Variants in PCNX2 observed in about 807,000 individuals in gnomAD.
PCNX2 encodes pecanex 2.
In PCNX2, 168 loss-of-function variants were observed where a neutral mutation model predicts 223.8. That is an observed-to-expected ratio of 0.75 (90% confidence interval 0.66 to 0.85). PCNX2 has a LOEUF of 0.85. Ranked by LOEUF, PCNX2 falls within the 40% of genes least tolerant of loss-of-function variation. The pLI, the probability that PCNX2 is intolerant of heterozygous loss-of-function variation, is 0.00. For missense variants in PCNX2, 2,507 were observed against 2,675.5 expected, an observed-to-expected ratio of 0.94 and a Z score of 1.39; for synonymous variants, 1,006 against 1,052.6, an observed-to-expected ratio of 0.96 and a Z score of 0.86.
rs368643677 is a variant in PCNX2, at chr1:233,141,799, G to GTGTGTGTGTGTA, written c.3518-1945_3518-1944insTACACACACACA. On this transcript the variant is annotated intron_variant, in intron 19 of 33. Transcript: ENST00000258229. ...TGTGTGTGTGTGTGTGTGTGTGTGT[G>GTGTGTGTGTGTA]TATATGAAGAGAGACTTGGCATTTA... Among the ~76,000 whole-genome samples, 501 of 150,408 alleles carry GTGTGTGTGTGTA rather than the reference G, an allele frequency of 3.3e-3. 2 individuals are homozygous for GTGTGTGTGTGTA. The highest frequency in any genetic ancestry group is 6.9e-3 in the African/African-American group (283 of 40,720).
chr1:233,037,894 T>C (rs1671512435), intron 25 of PCNX2, among the ~76,000 whole-genome samples: 1 of 152,228 alleles, frequency 6.6e-6, no homozygotes, highest in Non-Finnish European at 1.5e-5. Flanking sequence ...GCATTGGTTT[T>C]TCACAGAATT....
intron 13 of PCNX2, chr1:233,202,120 GA>G: frequency 2.2e-6 from 1 of 456,526 alleles, no homozygotes; most frequent in East Asian, 7.1e-5. Context: ...CAGTGAACGT[GA>G]AGGAAAAAGC....
At chr1:233,017,520 G>T (rs974082184) in intron 26 of PCNX2, among the ~76,000 whole-genome samples, 11 of 152,148 alleles carry the variant, frequency 7.2e-5, no homozygotes, top group African/African-American at 1.7e-4. Context: ...GTTTCACCAT[G>T]TTAGCCAGGA....
In PCNX2 at chr1:233,024,230, C is replaced by G. The variant is rs886664844; in HGVS notation, c.4605+916G>C. Reference sequence around the variant, plus strand: ...ATGTCTGGATTTATTCCAAATTTCTCAATGCCATTTGTTTGTTAGCTGGTT... The same window carrying G: ...ATGTCTGGATTTATTCCAAATTTCTGAATGCCATTTGTTTGTTAGCTGGTT... On this transcript the variant is annotated intron_variant, in intron 26 of 33. Transcript: ENST00000258229. 4.6e-5 allele frequency among the ~76,000 whole-genome samples: 7 copies of G among 152,212 alleles called. No homozygotes were observed. The East Asian group carries it at 1.3e-3, about 29-fold the overall frequency.
intron 19 of PCNX2, among the ~76,000 whole-genome samples, chr1:233,145,853 G>A (rs771948337): frequency 6.6e-6 from 1 of 152,094 alleles, no homozygotes; most frequent in East Asian, 1.9e-4. Context: ...CCTTACCTTC[G>A]GTGCTCTACT....
intron 8 of PCNX2, among the ~76,000 whole-genome samples, chr1:233,245,556 T>A (rs982661641): frequency 6.6e-6 from 1 of 152,186 alleles, no homozygotes; most frequent in Non-Finnish European, 1.5e-5. Context: ...GGGCAGAGGC[T>A]GACCACAGGT....
chr1:233,162,390 G>A (rs1214987877), intron 17 of PCNX2, among the ~76,000 whole-genome samples: 1 of 152,146 alleles, frequency 6.6e-6, no homozygotes. Flanking sequence ...AGGGATTTAT[G>A]CCTTTTAAAT....
At chr1:233,086,672 AAAT>A (rs912397863) in intron 23 of PCNX2, among the ~76,000 whole-genome samples, 3 of 151,684 alleles carry the variant, frequency 2.0e-5, no homozygotes, top group Non-Finnish European at 2.9e-5. Context: ...CTCCATCTCA[AAAT>A]AATAATAATA....
At chr1:233,220,305 C>T (rs986167128) in intron 10 of PCNX2, among the ~76,000 whole-genome samples, 1 of 152,216 alleles carries the variant, frequency 6.6e-6, no homozygotes, top group African/African-American at 2.4e-5. Flanking sequence ...CACCAAGGAG[C>T]ATGATTGTTA....
chr1:233,005,997 G>A (rs554365060), intron 28 of PCNX2, among the ~76,000 whole-genome samples: 121 of 152,220 alleles, frequency 7.9e-4, no homozygotes, highest in African/African-American at 2.7e-3. Context: ...AGTCAGTGGC[G>A]TGGGATTCCA....
In PCNX2 at chr1:233,152,229, T is replaced by G. The variant is rs976088098; in HGVS notation, c.3517+8054A>C. On this transcript the variant is annotated intron_variant, in intron 19 of 33. Transcript: ENST00000258229. ...AACTGACAGGCTGGTTTCTAAAAAC[T>G]CAGCTCGAAGTCACTTATTTGGCAT... Among the ~76,000 whole-genome samples the G allele has an allele frequency of 3.9e-5, 6 of 152,202 alleles. No individual in the cohort carries two copies. In the South Asian group the frequency reaches 6.2e-4, roughly 16 times the overall value.
chr1:233,024,995 TCCAAAAGCAA>T, intron 26 of PCNX2, 141 bp downstream of exon 26: 1 of 1,063,142 alleles, frequency 9.4e-7, no homozygotes, highest in South Asian at 1.6e-5. Flanking sequence ...CTAGGATTTT[TCCAAAAGCAA>T]TGGTTCCCCA....
intron 10 of PCNX2, among the ~76,000 whole-genome samples, chr1:233,220,685 C>A (rs766286707): frequency 6.6e-6 from 1 of 151,870 alleles, no homozygotes; most frequent in African/African-American, 2.4e-5. Context: ...GACAATCCTT[C>A]GTTTTTTAAA....
chr1:233,033,281 G>GTA, intron 25 of PCNX2: 1 of 790,826 alleles, frequency 1.3e-6, no homozygotes, highest in Non-Finnish European at 1.5e-6. Context: ...AATCTAAAAG[G>GTA]TATACATAGT....
chr1:233,188,018 GT>G (rs1265831636), intron 15 of PCNX2, among the ~76,000 whole-genome samples: 1 of 152,214 alleles, frequency 6.6e-6, no homozygotes, highest in African/African-American at 2.4e-5. Context: ...GCTAAGAATA[GT>G]TATCGTTGGT....
intron 5 of PCNX2, among the ~76,000 whole-genome samples, 200 bp from the exon 6 acceptor site, chr1:233,252,988 A>C (rs991123825): frequency 1.3e-5 from 2 of 152,208 alleles, no homozygotes; most frequent in African/African-American, 4.8e-5. Flanking sequence ...AGTATGTATA[A>C]GTTTGAGACA....
At chr1:233,153,458 A>G (rs1677938412) in intron 19 of PCNX2, among the ~76,000 whole-genome samples, 1 of 152,238 alleles carries the variant, frequency 6.6e-6, no homozygotes, top group Admixed American at 6.5e-5. Flanking sequence ...TGAATAAGAA[A>G]TATAATCAAG....
chr1:233,119,593 AAAAACAAAAAC>A (rs1299798436), intron 21 of PCNX2, among the ~76,000 whole-genome samples: 2 of 109,460 alleles, frequency 1.8e-5, no homozygotes, highest in East Asian at 8.0e-4. Flanking sequence ...TCAAAAAAAA[AAAAACAAAAAC>A]AAAAACAAAA....
chr1:233,175,703 T>C (rs1285621354), intron 17 of PCNX2, among the ~76,000 whole-genome samples: 2 of 63,802 alleles, frequency 3.1e-5, no homozygotes, highest in African/African-American at 4.7e-4. Flanking sequence ...ATATTTCTCT[T>C]TTTTTTTAAG....
Sources: gnomAD v4.1 joint callset for allele counts (sites outside exome capture counted in the v4.1 genomes callset) on GRCh38, gnomAD v4.1.1 for gene constraint, MANE v1.5 for transcripts, NCBI Gene and HGNC (gene_info 2026-07-23, HGNC 2026-07-21) for gene names.